The following NSMAF variants were observed in gnomAD, a reference collection of about 807,000 sequenced individuals.
The protein encoded by NSMAF is neutral sphingomyelinase activation associated factor, also known as protein FAN.
NSMAF carries 90 observed loss-of-function variants against 134.9 expected under a neutral mutation model. The ratio of observed to expected loss-of-function variants is 0.67; its 90% confidence interval spans 0.56 to 0.79. The LOEUF is 0.79. Among genes scored for constraint, NSMAF ranks in the 30% least tolerant of loss-of-function variants. The probability of loss-of-function intolerance (pLI) is 0.00; values close to 1 mark genes in which losing one functional copy is unlikely to be tolerated. For missense variants in NSMAF, 1,010 were observed against 1,119.0 expected, an observed-to-expected ratio of 0.90 and a Z score of 1.39; for synonymous variants, 358 against 389.6, an observed-to-expected ratio of 0.92 and a Z score of 0.96.
At chr8:58,623,120 G>A (rs1390600229) in intron 9 of NSMAF, 100 bp downstream of exon 9, 4 of 904,604 alleles carry the variant, frequency 4.4e-6, no homozygotes, top group Non-Finnish European at 7.2e-6. Context: ...CAGGTTTTGG[G>A]TGAGACCAAT....
chr8:58,635,269 T>A (rs748869202), intron 4 of NSMAF, 36 bp downstream of exon 4: 1 of 1,608,484 alleles, frequency 6.2e-7, no homozygotes. Flanking sequence ...AGCTTTTTGG[T>A]TGAAGTAAAA....
chr8:58,637,193 CCTTTTAATTCATTTACAGTAGT>C (rs1173085693), intron 2 of NSMAF: 1 of 322,924 alleles, frequency 3.1e-6, no homozygotes, highest in African/African-American at 2.1e-5. Context: ...GCCCCTGCAT[CCTTTTAATTCATTTACAGTAGT>C]CTTTGATACC....
Position 58,599,289 on chromosome 8 carries a change from T to G in NSMAF, c.1528A>C (p.Ile510Leu). 2 of 1,614,068 alleles carry G rather than the reference T, an allele frequency of 1.2e-6. No homozygotes were observed. Among genetic ancestry groups the G allele is most frequent in the Non-Finnish European group, 1.7e-6 (2 of 1,179,894 alleles). ...NYVSEHLHEWIDLIFGYKQKG... is the reference protein window; with the variant it reads ...NYVSEHLHEWLDLIFGYKQKG... ...TGTTTGTAGCCAAATATTAGATCAA[T>G]CCACTCGTGAAGGTGTTCAGACACA... Residue 510 changes from isoleucine to leucine, a missense_variant, in exon 19 of 31, where the codon ATT becomes CTT. By Grantham distance (5) the Ile-to-Leu change is conservative (BLOSUM62 2). Coordinates refer to ENST00000038176, the MANE Select transcript of NSMAF (RefSeq NM_003580.4).
At chr8:58,585,495 AT>A (rs1805861493) in intron 30 of NSMAF, among the ~76,000 whole-genome samples, 156 bp downstream of exon 30, 1 of 152,158 alleles carries the variant, frequency 6.6e-6, no homozygotes, top group Non-Finnish European at 1.5e-5. Context: ...CGAGATGCAG[AT>A]CACCTGGCCA....
chr8:58,586,608 C>T lies in NSMAF; in HGVS notation c.2296G>A (p.Val766Ile). The T allele has an allele frequency of 6.2e-7, 1 of 1,608,748 alleles. No individual in the cohort carries two copies. Among genetic ancestry groups the T allele is most frequent in the Non-Finnish European group, 8.5e-7 (1 of 1,177,570 alleles). ...GCAGCATTTAAACTGATTGTATCTA[C>T]CTAAGGAAGAAAACACATTGATACA... is the stretch of plus-strand genomic sequence containing the variant. ...LLAELEHDVS[V>I]DTISLNAAST... is the part of the protein sequence containing the mutation. Residue 766 changes from valine (V) to isoleucine (I), a missense_variant and splice_region_variant, in exon 28 of 31, where the codon GTA becomes ATA. Transcript: ENST00000038176.
intron 9 of NSMAF, among the ~76,000 whole-genome samples, chr8:58,610,903 T>C (rs1383530687): frequency 6.6e-6 from 1 of 152,146 alleles, no homozygotes; most frequent in Non-Finnish European, 1.5e-5. Flanking sequence ...ACTCCCTCAA[T>C]AGAGTTGTAG....
At chr8:58,598,490 C>CAAAAAAAAA (rs71250204) in intron 19 of NSMAF, among the ~76,000 whole-genome samples, 39 of 125,948 alleles carry the variant, frequency 3.1e-4, no homozygotes, top group African/African-American at 7.9e-4. Flanking sequence ...CTGTCTCAAA[C>CAAAAAAAAA]AAAAAAAAAA....
chr8:58,623,659 A>C (rs1367152247), intron 7 of NSMAF, 50 bp downstream of exon 7: 1 of 1,489,556 alleles, frequency 6.7e-7, no homozygotes, highest in Non-Finnish European at 9.3e-7. Flanking sequence ...ATTTATAAAA[A>C]CAGTTTTTGC....
Position 58,603,244 on chromosome 8 carries a change from T to C in NSMAF, c.1011A>G (p.Pro337=), listed in dbSNP as rs781175878. The change falls in exon 13 of 31, where the codon CCA becomes CCG. Residue 337 remains proline, a synonymous_variant. Coordinates refer to ENST00000038176, the MANE Select transcript of NSMAF (RefSeq NM_003580.4). ...CNDLSQYPVF[P]WIIHDYSSSE... ...AGCTGGAATAATCATGTATTATCCA[T>C]GGAAACACAGGGTACTGGGAGAGGT... is the stretch of plus-strand genomic sequence containing the variant. The C allele has an allele frequency of 1.9e-6, 3 of 1,614,146 alleles. No homozygotes were observed. Among genetic ancestry groups the C allele is most frequent in the Admixed American group, 1.7e-5 (1 of 60,010 alleles).
Position 58,659,649 on chromosome 8 carries a change from G to A in NSMAF, c.-18C>T. 1.4e-6 allele frequency: 2 copies of A among 1,419,104 alleles called. No homozygotes were observed. Among genetic ancestry groups the A allele is most frequent in the Non-Finnish European group, 1.8e-6 (2 of 1,087,214 alleles). The allele number at this position is 1,419,104 out of a possible 1,614,324, so 87.9% of individuals were successfully genotyped here. A position where few individuals can be genotyped will look rare whatever the true frequency, so the allele number is the denominator to read the frequency against. ...AACGCCATGGAGGGTAGGCGCGGGC[G>A]GGCGCAGAGCGCACAGGCAGGCCCC... On this transcript the variant is annotated 5_prime_UTR_variant, in exon 1 of 31. Transcript: ENST00000038176.
At chr8:58,652,001 G>T (rs559196126) in intron 1 of NSMAF, among the ~76,000 whole-genome samples, 1 of 152,250 alleles carries the variant, frequency 6.6e-6, no homozygotes, top group African/African-American at 2.4e-5. Flanking sequence ...ATAAGCACTG[G>T]CCAGTAGCCC....
At position 58,659,796 on chromosome 8, in the gene NSMAF, G is replaced by A. The variant is rs1196650220; in HGVS notation, c.-165C>T. ...GCCGCTGGGCGGCCGAGAGCCCGACGCGGCGTCCCGGCCGCGCTCACCGCA... is the reference window on the plus strand; with the variant it reads ...GCCGCTGGGCGGCCGAGAGCCCGACACGGCGTCCCGGCCGCGCTCACCGCA... On this transcript the variant is annotated 5_prime_UTR_variant, in exon 1 of 31. Transcript: ENST00000038176. The A allele has an allele frequency of 5.5e-6, 2 of 360,982 alleles. No individual in the cohort carries two copies. Among genetic ancestry groups the A allele is most frequent in the East Asian group, 5.1e-5 (1 of 19,616 alleles). 22.4% of individuals were successfully genotyped at this position (360,982 alleles called of 1,614,324 possible). A position where few individuals can be genotyped will look rare whatever the true frequency, so the allele number is the denominator to read the frequency against.
chr8:58,586,365 A>G (rs1805884947), intron 28 of NSMAF, 93 bp downstream of exon 28: 7 of 1,273,036 alleles, frequency 5.5e-6, no homozygotes. Flanking sequence ...TTTTCTTTGT[A>G]AGTTTTATTG....
chr8:58,597,424 C>G lies in NSMAF; in HGVS notation c.1755G>C (p.Gln585His). The G allele has an allele frequency of 6.2e-7, 1 of 1,614,148 alleles. No homozygotes were observed. Among genetic ancestry groups the G allele is most frequent in the Non-Finnish European group, 8.5e-7 (1 of 1,180,008 alleles). ...CCATAGAAGCATTATAACTGGAGGT[C>G]TGGGACAAACTTTTAAACTTTGGGG... ...RITPKFKSLS[Q>H]TSSYNASMAD... Residue 585 changes from glutamine to histidine, a missense_variant, in exon 21 of 31, where the codon CAG becomes CAC. Physicochemically the swap from Gln to His is conservative, Grantham distance 24 (BLOSUM62 0). Transcript: ENST00000038176.
At position 58,655,358 on chromosome 8, in the gene NSMAF, T is replaced by C. The variant is rs112174205; in HGVS notation, c.59+4215A>G. Among the ~76,000 whole-genome samples the C allele has an allele frequency of 8.8e-3, 1,337 of 152,136 alleles. 22 individuals are homozygous for C. Among genetic ancestry groups the C allele is most frequent in the African/African-American group, 0.03 (1,257 of 41,480 alleles). On this transcript the variant is annotated intron_variant, in intron 1 of 30. Coordinates refer to ENST00000038176, the MANE Select transcript of NSMAF (RefSeq NM_003580.4). The stretch of plus-strand genomic sequence containing the variant: ...AGTAAAGCAAAAAAATTTAACAATT[T>C]GCCTACTTTAGTCTACTTCTAAATC...
Position 58,659,600 on chromosome 8 carries a change from T to C in NSMAF, c.32A>G (p.Gln11Arg). Residue 11 changes from glutamine (Q) to arginine (R), a missense_variant, in exon 1 of 31, where the codon CAG (glutamine) becomes CGG (arginine). Gln to Arg is a conservative substitution (Grantham distance 43). Transcript: ENST00000038176. ...CTCCTTGGAGTAGAGCTGCAGCTGC[T>C]GCTCCTGCTGCTTCTTCCGGATAAA... MAFIRKKQQE[Q>R]QLQLYSKERF... 2 of 1,496,514 alleles carry C rather than the reference T, an allele frequency of 1.3e-6. No homozygotes were observed. The highest frequency in any genetic ancestry group is 1.8e-6 in the Non-Finnish European group (2 of 1,125,910). The allele number at this position is 1,496,514 out of a possible 1,614,324, so 92.7% of individuals were successfully genotyped here. A position where few individuals can be genotyped will look rare whatever the true frequency, so the allele number is the denominator to read the frequency against.
At chr8:58,622,761 G>A (rs1806817966) in intron 9 of NSMAF, among the ~76,000 whole-genome samples, 1 of 152,052 alleles carries the variant, frequency 6.6e-6, no homozygotes, top group South Asian at 2.1e-4. Context: ...CTCAAACTCT[G>A]AGCTCAAGTG....
At chr8:58,585,601 G>T in intron 30 of NSMAF, 51 bp downstream of exon 30, 4 of 1,316,344 alleles carry the variant, frequency 3.0e-6, no homozygotes, top group Non-Finnish European at 4.4e-6. Context: ...AGGCAGGCTT[G>T]AGTTCATTAT....
intron 1 of NSMAF, among the ~76,000 whole-genome samples, chr8:58,649,860 C>T (rs1011799247): frequency 2.6e-5 from 4 of 152,132 alleles, no homozygotes; most frequent in Non-Finnish European, 5.9e-5. Context: ...AACTGTGAGC[C>T]CATTAAACCT....
Sources: gnomAD v4.1 joint callset for allele counts (sites outside exome capture counted in the v4.1 genomes callset) on GRCh38, gnomAD v4.1.1 for gene constraint, MANE v1.5 for transcripts, NCBI Gene and HGNC (gene_info 2026-07-23, HGNC 2026-07-21) for gene names.